Variants in NCKAP5 observed in about 807,000 individuals in gnomAD.
NCKAP5 encodes nck-associated protein 5.
Under a neutral mutation model 167.0 loss-of-function variants are expected in NCKAP5, and 92 were observed. The observed-to-expected ratio is 0.55, with a 90% CI of 0.47 to 0.66. The LOEUF is 0.66. NCKAP5 is among the 30% of genes least tolerant of loss of function. NCKAP5 has a pLI of 0.00. For synonymous variants in NCKAP5, 891 were observed against 877.4 expected, an observed-to-expected ratio of 1.02 and a Z score of -0.27; for missense variants, 2,378 against 2,315.0, an observed-to-expected ratio of 1.03 and a Z score of -0.56.
intron 3 of NCKAP5, among the ~76,000 whole-genome samples, chr2:133,326,746 G>T (rs898507392): frequency 2.0e-5 from 3 of 152,066 alleles, no homozygotes; most frequent in Non-Finnish European, 2.9e-5. Flanking sequence ...CTCAGAGCAG[G>T]ATTTAATGAT....
chr2:133,670,987 G>A, the NCKAP5 span, among the ~76,000 whole-genome samples: 1 of 151,972 alleles, frequency 6.6e-6, no homozygotes, highest in Non-Finnish European at 1.5e-5. Context: ...AGGCTGAGGA[G>A]GGTGGATCAC....
chr2:133,249,531 C>A (rs2088196044), intron 4 of NCKAP5, among the ~76,000 whole-genome samples: 1 of 152,144 alleles, frequency 6.6e-6, no homozygotes, highest in African/African-American at 2.4e-5. Flanking sequence ...ATTATAGCAG[C>A]AACAGGAAAC....
At chr2:133,207,992 C>T (rs550449255) in intron 5 of NCKAP5, among the ~76,000 whole-genome samples, 49 of 152,150 alleles carry the variant, frequency 3.2e-4, no homozygotes, top group African/African-American at 1.1e-3. Flanking sequence ...AACTTTACAG[C>T]AGAGAAATCT....
intron 4 of NCKAP5, among the ~76,000 whole-genome samples, chr2:133,255,315 C>T (rs559447155): frequency 1.7e-4 from 26 of 152,262 alleles, no homozygotes; most frequent in African/African-American, 5.5e-4. Context: ...CTTTGGGACA[C>T]ATCACTCTTT....
At chr2:132,887,364 T>C (rs9751685) in intron 8 of NCKAP5, among the ~76,000 whole-genome samples, 3,384 of 98,674 alleles carry the variant, frequency 0.034, 149 homozygotes, top group African/African-American at 0.15. Context: ...TCCATCCATC[T>C]TTCCATCCAT....
At chr2:132,758,880 C>A (rs1054632796) in intron 16 of NCKAP5, among the ~76,000 whole-genome samples, 22 of 152,250 alleles carry the variant, frequency 1.4e-4, no homozygotes, top group East Asian at 3.9e-4. Flanking sequence ...TGCATATTAT[C>A]AAATTATTAA....
chr2:133,590,890 GCTGT>G, the NCKAP5 span, among the ~76,000 whole-genome samples: 1 of 83,380 alleles, frequency 1.2e-5, no homozygotes, highest in Non-Finnish European at 2.1e-5. Context: ...GTGAGAGTAT[GCTGT>G]CTGTGTGTGT....
intron 6 of NCKAP5, among the ~76,000 whole-genome samples, chr2:133,038,876 G>GT (rs57089460): frequency 2.0e-5 from 3 of 152,168 alleles, no homozygotes; most frequent in Non-Finnish European, 4.4e-5. Flanking sequence ...GGCATGACAT[G>GT]TTTTTTCTAA....
intron 6 of NCKAP5, among the ~76,000 whole-genome samples, chr2:133,112,195 T>C (rs6716533): frequency 0.54 from 82,495 of 152,024 alleles, 24,028 homozygotes; most frequent in African/African-American, 0.77. Flanking sequence ...GTATGCTAGG[T>C]ATGGCGTGGT....
At chr2:132,812,287 C>T (rs1413384918) in intron 11 of NCKAP5, among the ~76,000 whole-genome samples, 10 of 152,180 alleles carry the variant, frequency 6.6e-5, no homozygotes, top group African/African-American at 9.7e-5. Flanking sequence ...TCCGGTCCTC[C>T]GTGATGAAGG....
chr2:133,541,176 G>A (rs1457741466), intron 2 of NCKAP5, among the ~76,000 whole-genome samples: 1 of 151,462 alleles, frequency 6.6e-6, no homozygotes, highest in Admixed American at 6.6e-5. Flanking sequence ...CAGAGGGGTA[G>A]AAATAAAAAA....
At chr2:133,364,423 G>T (rs773407511) in intron 3 of NCKAP5, among the ~76,000 whole-genome samples, 12 of 152,020 alleles carry the variant, frequency 7.9e-5, no homozygotes, top group Non-Finnish European at 1.8e-4. Context: ...TGCAAACATA[G>T]TACAGAATTC....
At chr2:133,408,661 G>A (rs1358485753) in intron 3 of NCKAP5, among the ~76,000 whole-genome samples, 3 of 152,206 alleles carry the variant, frequency 2.0e-5, no homozygotes, top group Non-Finnish European at 4.4e-5. Flanking sequence ...CTGCTGGTGG[G>A]AAAAGTCTAT....
intron 16 of NCKAP5, among the ~76,000 whole-genome samples, chr2:132,762,785 A>G (rs1380829470): frequency 5.3e-5 from 8 of 152,234 alleles, no homozygotes; most frequent in African/African-American, 1.7e-4. Context: ...GTCTGGGGGT[A>G]CTAATCTGAG....
chr2:132,805,169 G>C (rs1190057237), intron 11 of NCKAP5, among the ~76,000 whole-genome samples: 2 of 152,038 alleles, frequency 1.3e-5, no homozygotes, highest in Non-Finnish European at 2.9e-5. Flanking sequence ...CACTAAGTGT[G>C]TGTTTCACAT....
At chr2:132,921,111 T>C (rs552149823) in intron 8 of NCKAP5, among the ~76,000 whole-genome samples, 3 of 152,006 alleles carry the variant, frequency 2.0e-5, no homozygotes, top group South Asian at 4.2e-4. Context: ...AACCCTTCCT[T>C]GGTTTTTCTC....
chr2:132,796,614 A>G lies in NCKAP5; in HGVS notation c.909+14T>C. 6.3e-7 allele frequency: 1 copy of G among 1,592,464 alleles called. No individual in the cohort carries two copies. The highest frequency in any genetic ancestry group is 8.6e-7 in the Non-Finnish European group (1 of 1,163,198). ...CACCAAAACAAGTGTTCTGAAGGCA[A>G]CTGGGAAACTCACGTGCACCTCAGC... On this transcript the variant is annotated intron_variant, in intron 12 of 19. Transcript: ENST00000409261.
At chr2:133,611,042 C>A in the NCKAP5 span, among the ~76,000 whole-genome samples, 1 of 151,848 alleles carries the variant, frequency 6.6e-6, no homozygotes, top group South Asian at 2.1e-4. Context: ...CTTTTCAGTT[C>A]TTAGAAACAT....
At chr2:132,803,186 G>A (rs796222226) in intron 11 of NCKAP5, among the ~76,000 whole-genome samples, 8 of 152,214 alleles carry the variant, frequency 5.3e-5, no homozygotes, top group African/African-American at 1.9e-4. Flanking sequence ...CCTTCCAAAT[G>A]TTCTCCTAGA....
Sources: allele counts gnomAD v4.1 joint callset (sites outside exome capture counted in the v4.1 genomes callset), GRCh38; gene constraint gnomAD v4.1.1; transcripts MANE v1.5; gene names NCBI Gene and HGNC (gene_info 2026-07-23, HGNC 2026-07-21).